CNOT6L: variants seen among roughly 807,000 people sequenced by gnomAD.
CNOT6L encodes CCR4-NOT transcription complex subunit 6-like.
A neutral mutation model predicts 64.0 loss-of-function variants in CNOT6L; 7 were observed. The observed-to-expected ratio is 0.11, with a 90% CI of 0.06 to 0.21. The LOEUF is 0.21. CNOT6L is among the 10% of genes least tolerant of loss of function. CNOT6L has a pLI of 1.00. For missense variants in CNOT6L, 245 were observed against 669.0 expected, an observed-to-expected ratio of 0.37 and a Z score of 6.99; for synonymous variants, 193 against 243.4, an observed-to-expected ratio of 0.79 and a Z score of 1.93.
chr4:77,732,948 T>C (rs1032935598), intron 8 of CNOT6L, among the ~76,000 whole-genome samples: 3 of 151,966 alleles, frequency 2.0e-5, no homozygotes, highest in African/African-American at 4.8e-5. Context: ...GATTAGAAAG[T>C]TTGTGAGGTT....
At chr4:77,738,510 T>C (rs1028856895) in intron 8 of CNOT6L, among the ~76,000 whole-genome samples, 7 of 152,116 alleles carry the variant, frequency 4.6e-5, no homozygotes, top group Non-Finnish European at 1.0e-4. Context: ...TCCCAGCATT[T>C]TGGGCGGCCA....
chr4:77,738,174 A>T (rs1050103618), intron 8 of CNOT6L, among the ~76,000 whole-genome samples: 1 of 152,172 alleles, frequency 6.6e-6, no homozygotes, highest in African/African-American at 2.4e-5. Context: ...TGACAACCTA[A>T]GTTCCCAATC....
intron 1 of CNOT6L, among the ~76,000 whole-genome samples, chr4:77,804,371 G>A (rs1480325018): frequency 6.6e-6 from 1 of 151,584 alleles, no homozygotes; most frequent in African/African-American, 2.4e-5. Flanking sequence ...GGAGGCTGTG[G>A]TGAACCGGTA....
chr4:77,770,522 ATCT>A (rs1276455209), intron 4 of CNOT6L, among the ~76,000 whole-genome samples: 2 of 152,240 alleles, frequency 1.3e-5, no homozygotes, highest in African/African-American at 4.8e-5. Flanking sequence ...AAAGGAAGAG[ATCT>A]GGTTTTCTGG....
chr4:77,753,385 T>C (rs1725071640), intron 5 of CNOT6L, among the ~76,000 whole-genome samples: 1 of 152,052 alleles, frequency 6.6e-6, no homozygotes, highest in African/African-American at 2.4e-5. Flanking sequence ...AAAAATCCTA[T>C]ATAGGCTGGG....
chr4:77,767,639 A>G (rs781285164), intron 4 of CNOT6L, among the ~76,000 whole-genome samples: 4 of 152,154 alleles, frequency 2.6e-5, no homozygotes, highest in Non-Finnish European at 5.9e-5. Context: ...GGAAAAAACA[A>G]AATTAAATTC....
At position 77,720,281 on chromosome 4, in the gene CNOT6L, C is replaced by T. The variant is rs1456621263; in HGVS notation, c.*150G>A. ...TACTGCCAAATGATACCAATATGCA[C>T]AAAAATGTACAAAGTCTTACAGCAA... On this transcript the variant is annotated 3_prime_UTR_variant, in exon 12 of 12. Transcript: ENST00000504123. 1.4e-5 allele frequency: 11 copies of T among 807,794 alleles called. No homozygotes were observed. The Admixed American group carries it at 3.0e-4, about 22-fold the overall frequency. The allele number at this position is 807,794 out of a possible 1,614,324, so 50.0% of individuals were successfully genotyped here.
chr4:77,766,157 G>A (rs1726790597), intron 4 of CNOT6L, among the ~76,000 whole-genome samples: 1 of 151,930 alleles, frequency 6.6e-6, no homozygotes, highest in Non-Finnish European at 1.5e-5. Context: ...ACTAAGTTGA[G>A]TTTATCTCAG....
At chr4:77,757,795 G>A (rs1725728157) in intron 4 of CNOT6L, among the ~76,000 whole-genome samples, 1 of 152,114 alleles carries the variant, frequency 6.6e-6, no homozygotes, top group African/African-American at 2.4e-5. Flanking sequence ...CAGCTTCCGG[G>A]TTCAAGTGAT....
At chr4:77,814,445 T>G (rs988375859) in intron 1 of CNOT6L, among the ~76,000 whole-genome samples, 1 of 152,172 alleles carries the variant, frequency 6.6e-6, no homozygotes, top group African/African-American at 2.4e-5. Context: ...ACATTCCATT[T>G]TATGTCTCAG....
chr4:77,744,673 A>T (rs1321990387), intron 7 of CNOT6L, 45 bp downstream of exon 7: 8 of 1,516,908 alleles, frequency 5.3e-6, no homozygotes, highest in African/African-American at 1.4e-5. Flanking sequence ...CTTATGTTTA[A>T]GTTCACCTTT....
In CNOT6L at chr4:77,757,102, T is replaced by C. The variant is rs2110001606; in HGVS notation, c.401-151A>G. Among the ~76,000 whole-genome samples the C allele has an allele frequency of 2.0e-5, 3 of 152,302 alleles. No homozygotes were observed. The Middle Eastern group carries it at 0.01, about 518-fold the overall frequency. On this transcript the variant is annotated intron_variant, in intron 4 of 11. Coordinates refer to ENST00000504123, the MANE Select transcript of CNOT6L (RefSeq NM_144571.3). Reference sequence around the variant, plus strand: ...AATCTATTATATACATTTAAAAATGTATGTGTAAATAAATATTTTCTTTAA... The same window carrying C: ...AATCTATTATATACATTTAAAAATGCATGTGTAAATAAATATTTTCTTTAA...
At position 77,811,422 on chromosome 4, in the gene CNOT6L, C is replaced by T. The variant is rs186631091; in HGVS notation, c.5+7882G>A. Among the ~76,000 whole-genome samples the T allele has an allele frequency of 9.8e-4, 149 of 152,152 alleles. 1 individual carries two copies. The highest frequency in any genetic ancestry group is 3.1e-3 in the African/African-American group (128 of 41,520). On this transcript the variant is annotated intron_variant, in intron 1 of 11. Coordinates refer to ENST00000504123, the MANE Select transcript of CNOT6L (RefSeq NM_144571.3). ...CTCTACTAAAAGTACAAAAATTAGC[C>T]TGTAGTCCCAGCTTCTCAAGAGGCT...
chr4:77,767,936 CACCATTGT>C (rs112900633), intron 4 of CNOT6L, among the ~76,000 whole-genome samples: 9,257 of 143,944 alleles, frequency 0.064, 419 homozygotes, highest in African/African-American at 0.13. Flanking sequence ...CTGAGATTTG[CACCATTGT>C]ACTCCAGCAT....
chr4:77,808,120 T>C (rs563347414), intron 1 of CNOT6L, among the ~76,000 whole-genome samples: 11 of 152,234 alleles, frequency 7.2e-5, no homozygotes. Flanking sequence ...AACAGAGATC[T>C]TGCATGACCC....
upstream of CNOT6L, chr4:77,819,393 C>T (rs1471450553): frequency 1.9e-6 from 3 of 1,604,472 alleles, no homozygotes; most frequent in African/African-American, 1.3e-5. Context: ...GCGCGCGCAC[C>T]AGGCCCCCAC....
At chr4:77,764,089 T>C (rs1441087147) in intron 4 of CNOT6L, among the ~76,000 whole-genome samples, 1 of 152,188 alleles carries the variant, frequency 6.6e-6, no homozygotes, top group East Asian at 1.9e-4. Flanking sequence ...CAATGCATAG[T>C]TGCCACCAAC....
chr4:77,731,857 G>T, intron 8 of CNOT6L: 1 of 208,910 alleles, frequency 4.8e-6, no homozygotes, highest in Non-Finnish European at 9.5e-6. Context: ...CTAAAAATGG[G>T]GAAGCAGCTG....
At chr4:77,732,421 G>A (rs1266544470) in intron 8 of CNOT6L, among the ~76,000 whole-genome samples, 1 of 152,056 alleles carries the variant, frequency 6.6e-6, no homozygotes, top group African/African-American at 2.4e-5. Flanking sequence ...TGCACTAGGT[G>A]TTCAGTGGAG....
Sources: allele counts gnomAD v4.1 joint callset (sites outside exome capture counted in the v4.1 genomes callset), GRCh38; gene constraint gnomAD v4.1.1; transcripts MANE v1.5; gene names NCBI Gene and HGNC (gene_info 2026-07-23, HGNC 2026-07-21).